FOXP1: variants seen among roughly 807,000 people sequenced by gnomAD.
FOXP1 encodes forkhead box P1.
Under a neutral mutation model 98.2 loss-of-function variants are expected in FOXP1, and 15 were observed. That is an observed-to-expected ratio of 0.15 (90% CI 0.10 to 0.24). The LOEUF is 0.24. FOXP1 is among the 10% of genes least tolerant of loss of function. The pLI is 1.00. For synonymous variants in FOXP1, 371 were observed against 314.5 expected (o/e 1.18, Z -1.90); for missense variants, 633 against 848.5 (o/e 0.75, Z 3.15).
chr3:71,409,127 G>A (rs1175489998), intron 3 of FOXP1, among the ~76,000 whole-genome samples: 3 of 152,242 alleles, frequency 2.0e-5, no homozygotes, highest in African/African-American at 7.2e-5. Context: ...TTCAGGAATG[G>A]TCTTCCCTCA....
intron 3 of FOXP1, among the ~76,000 whole-genome samples, chr3:71,441,739 C>G (rs1488399163): frequency 1.3e-5 from 2 of 152,180 alleles, no homozygotes; most frequent in South Asian, 2.1e-4. Flanking sequence ...GGGCAGCAAG[C>G]CAGGGCACCA....
At chr3:71,364,026 C>G (rs1408273043) in intron 3 of FOXP1, among the ~76,000 whole-genome samples, 2 of 152,186 alleles carry the variant, frequency 1.3e-5, no homozygotes, top group South Asian at 2.1e-4. Context: ...CCCCCTCAAC[C>G]AGCACTAACA....
Position 71,237,231 on chromosome 3 carries a change from G to GAAAAAAAA in FOXP1, c.-11-38847_-11-38840dup, listed in dbSNP as rs757405755. 9.9e-4 allele frequency among the ~76,000 whole-genome samples: 28 copies of GAAAAAAAA among 28,288 alleles called. 4 individuals are homozygous for GAAAAAAAA. Among genetic ancestry groups the GAAAAAAAA allele is most frequent in the Non-Finnish European group, 1.0e-3 (18 of 17,168 alleles). 18.6% of individuals were successfully genotyped at this position (28,288 alleles called of 152,430 possible). A position where few individuals can be genotyped will look rare whatever the true frequency, so the allele number is the denominator to read the frequency against. ...TGGGCGACAGAGCAAGACTCCATCT[G>GAAAAAAAA]AAAAAAAAAAAAAAAAAAAAAAAAA... On this transcript the variant is annotated intron_variant, in intron 5 of 20. Coordinates refer to ENST00000649528, the MANE Select transcript of FOXP1 (RefSeq NM_001349338.3).
At chr3:71,299,419 T>C (rs1560268044) in intron 5 of FOXP1, among the ~76,000 whole-genome samples, 1 of 152,198 alleles carries the variant, frequency 6.6e-6, no homozygotes, top group East Asian at 1.9e-4. Flanking sequence ...TGAACATCAA[T>C]TGGATGACAC....
chr3:71,033,305 T>C (rs904471093), intron 11 of FOXP1, among the ~76,000 whole-genome samples: 1 of 152,184 alleles, frequency 6.6e-6, no homozygotes, highest in African/African-American at 2.4e-5. Flanking sequence ...GTGGGAAATC[T>C]GGCACATTAG....
At chr3:71,342,462 G>A (rs1007294254) in intron 4 of FOXP1, among the ~76,000 whole-genome samples, 2 of 152,122 alleles carry the variant, frequency 1.3e-5, no homozygotes, top group African/African-American at 2.4e-5. Flanking sequence ...CTGAGGTCAG[G>A]AGTTCGAGAA....
chr3:71,547,307 C>A (rs1009665230), intron 2 of FOXP1, among the ~76,000 whole-genome samples: 1 of 152,166 alleles, frequency 6.6e-6, no homozygotes, highest in African/African-American at 2.4e-5. Flanking sequence ...GATCAAGGAA[C>A]AAACAGTGCA....
chr3:71,492,685 T>C (rs2091148784), intron 3 of FOXP1, among the ~76,000 whole-genome samples: 1 of 152,140 alleles, frequency 6.6e-6, no homozygotes, highest in South Asian at 2.1e-4. Flanking sequence ...GAAACTGACC[T>C]CATCCAATGG....
intron 3 of FOXP1, among the ~76,000 whole-genome samples, chr3:71,415,261 A>T (rs753288369): frequency 1.7e-4 from 26 of 152,220 alleles, no homozygotes; most frequent in Non-Finnish European, 3.1e-4. Context: ...TTAAAATCCC[A>T]TGAAAAAACA....
chr3:71,033,193 A>T (rs1391557717), intron 11 of FOXP1, among the ~76,000 whole-genome samples: 1 of 152,182 alleles, frequency 6.6e-6, no homozygotes. Flanking sequence ...GGGTGCCAAC[A>T]AAGGAATTTG....
chr3:71,417,196 G>A (rs62246014), intron 3 of FOXP1, among the ~76,000 whole-genome samples: 14,404 of 152,164 alleles, frequency 0.095, 761 homozygotes, highest in Non-Finnish European at 0.12. Flanking sequence ...ACAGACTCGC[G>A]ACATCCTCCA....
At chr3:71,369,345 A>G (rs2079132816) in intron 3 of FOXP1, among the ~76,000 whole-genome samples, 1 of 151,862 alleles carries the variant, frequency 6.6e-6, no homozygotes. Context: ...AGCCGAGATC[A>G]CTCCACTGCA....
chr3:71,578,359 T>A (rs2047891511), intron 2 of FOXP1, among the ~76,000 whole-genome samples: 1 of 152,230 alleles, frequency 6.6e-6, no homozygotes, highest in Admixed American at 6.5e-5. Context: ...TCTGACAGCC[T>A]GCAATCTACT....
At chr3:71,140,664 C>T (rs2107993262) in intron 6 of FOXP1, among the ~76,000 whole-genome samples, 1 of 152,260 alleles carries the variant, frequency 6.6e-6, no homozygotes, top group South Asian at 2.1e-4. Context: ...GAAAACAAAG[C>T]TCAGAGTGGT....
At chr3:71,103,805 C>T (rs1329419871) in intron 7 of FOXP1, among the ~76,000 whole-genome samples, 2 of 152,174 alleles carry the variant, frequency 1.3e-5, no homozygotes, top group Non-Finnish European at 2.9e-5. Context: ...TTCTTGCAGA[C>T]TTACAAAATA....
chr3:71,241,446 T>C (rs912749404), intron 5 of FOXP1, among the ~76,000 whole-genome samples: 1 of 152,078 alleles, frequency 6.6e-6, no homozygotes, highest in Non-Finnish European at 1.5e-5. Context: ...TCATATCCCA[T>C]GGAAAGGACA....
In FOXP1 at chr3:71,230,526, A is replaced by G. The variant is rs145485786; in HGVS notation, c.-11-32134T>C. ...TTACCTATGACAGTAAACAGATAGT[A>G]TTTTAAAGTGCAAAGTGCAACTACC... On this transcript the variant is annotated intron_variant, in intron 5 of 20. Transcript: ENST00000649528. Among the ~76,000 whole-genome samples, 20 of 152,348 alleles carry G rather than the reference A, an allele frequency of 1.3e-4. No individual in the cohort carries two copies. The East Asian group carries it at 3.3e-3, about 25-fold the overall frequency.
chr3:71,385,441 C>T (rs1307806329), intron 3 of FOXP1, among the ~76,000 whole-genome samples: 2 of 152,178 alleles, frequency 1.3e-5, no homozygotes, highest in Non-Finnish European at 2.9e-5. Flanking sequence ...CTCTACTGCT[C>T]TCAAACTGCA....
At chr3:70,999,880 T>C (rs556779520) in intron 13 of FOXP1, among the ~76,000 whole-genome samples, 18 of 152,324 alleles carry the variant, frequency 1.2e-4, no homozygotes, top group African/African-American at 3.1e-4. Context: ...GGCTTTTCGA[T>C]GGCTGGTAAC....
Sources: gnomAD v4.1 joint callset for allele counts (sites outside exome capture counted in the v4.1 genomes callset) on GRCh38, gnomAD v4.1.1 for gene constraint, MANE v1.5 for transcripts, NCBI Gene and HGNC (gene_info 2026-07-23, HGNC 2026-07-21) for gene names.